The following INPP5F variants were observed in gnomAD, a reference collection of about 807,000 sequenced individuals.
INPP5F encodes the protein phosphatidylinositide 4-phosphatase SAC2.
INPP5F carries 97 observed loss-of-function variants against 137.2 expected under a neutral mutation model. The ratio of observed to expected loss-of-function variants is 0.71; its 90% confidence interval spans 0.60 to 0.84. The LOEUF (loss-of-function observed/expected upper bound fraction) is 0.84, where lower values mean the gene tolerates loss of function less well. Among genes scored for constraint, INPP5F ranks in the 40% least tolerant of loss-of-function variants. The pLI is 0.00. For missense variants in INPP5F, 1,271 were observed against 1,371.9 expected (o/e 0.93, Z 1.16); for synonymous variants, 504 against 476.9 (o/e 1.06, Z -0.74).
intron 16 of INPP5F, 73 bp downstream of exon 16, chr10:119,820,990 TA>T: frequency 1.0e-6 from 1 of 961,784 alleles, no homozygotes; most frequent in Non-Finnish European, 1.7e-6. Context: ...TTAGAATTCG[TA>T]ACAAAAAAAT....
chr10:119,827,031 C>G lies in INPP5F; in HGVS notation c.2650C>G (p.Pro884Ala). 2 of 1,613,968 alleles carry G rather than the reference C, an allele frequency of 1.2e-6. No homozygotes were observed. Among genetic ancestry groups the G allele is most frequent in the Admixed American group, 1.7e-5 (1 of 60,006 alleles). Residue 884 changes from proline (P) to alanine (A), a missense_variant, in exon 20 of 20, where the codon CCA becomes GCA. Around this residue, in one of 6 missense-constraint regions of INPP5F, gnomAD observed 490 missense variants for 443.7 expected, o/e 1.10. Coordinates refer to ENST00000650623, the MANE Select transcript of INPP5F (RefSeq NM_014937.4). ...QLANSLESVG[P>A]IDYVLPSCGI... The stretch of plus-strand genomic sequence containing the variant: ...AGCTAACTCATTAGAGAGTGTAGGG[C>G]CAATAGATTACGTTCTTCCTAGTTG...
At position 119,775,843 on chromosome 10, in the gene INPP5F, A is replaced by G. The variant is rs533333322; in HGVS notation, c.179-5792A>G. 5.9e-5 allele frequency among the ~76,000 whole-genome samples: 9 copies of G among 152,290 alleles called. No homozygotes were observed. The South Asian group carries it at 1.9e-3, about 32-fold the overall frequency. ...TCGGCCAGTTGCAAGCCTGGGGCAC[A>G]TTATTTGAATGTTTCTTAGTTTTTC... On this transcript the variant is annotated intron_variant, in intron 2 of 19. Transcript: ENST00000650623.
At chr10:119,809,492 C>A (rs1033471848) in intron 13 of INPP5F, among the ~76,000 whole-genome samples, 1 of 152,158 alleles carries the variant, frequency 6.6e-6, no homozygotes, top group Non-Finnish European at 1.5e-5. Flanking sequence ...ACTACACCTT[C>A]CTTGCCTTAA....
At chr10:119,747,532 AAATTTTTTTT>A (rs1374590886) in intron 1 of INPP5F, among the ~76,000 whole-genome samples, 1 of 152,244 alleles carries the variant, frequency 6.6e-6, no homozygotes, top group Non-Finnish European at 1.5e-5. Flanking sequence ...CTTTAAAAAA[AAATTTTTTTT>A]AATTCAAAAA....
intron 15 of INPP5F, chr10:119,819,540 GT>G: frequency 2.5e-6 from 4 of 1,599,598 alleles, no homozygotes; most frequent in Non-Finnish European, 3.4e-6. Context: ...CAGAGTGCAC[GT>G]AAGTATCAAC....
chr10:119,823,817 A>G lies in INPP5F; in HGVS notation c.2164A>G (p.Thr722Ala). 1 of 1,612,314 alleles carries G rather than the reference A, an allele frequency of 6.2e-7. No individual in the cohort carries two copies. Among genetic ancestry groups the G allele is most frequent in the Non-Finnish European group, 8.5e-7 (1 of 1,179,052 alleles). The change falls in exon 19 of 20, where the codon ACC becomes GCC. Residue 722 changes from threonine (T) to alanine (A), a missense_variant and splice_region_variant. Thr to Ala is a moderately conservative substitution (Grantham distance 58). Around this residue, in one of 6 missense-constraint regions of INPP5F, gnomAD observed 593 missense variants for 712.4 expected, o/e 0.83. Coordinates refer to ENST00000650623, the MANE Select transcript of INPP5F (RefSeq NM_014937.4). ...MRNPEEDGKD[T>A]LQCIAEMLQI... Reference sequence around the variant, plus strand: ...AGGCAGTTATATTTGGGTTGCAGATACCCTTCAGTGCATTGCAGAGATGCT... The same window carrying G: ...AGGCAGTTATATTTGGGTTGCAGATGCCCTTCAGTGCATTGCAGAGATGCT...
chr10:119,803,969 TAAA>T (rs766089106), intron 9 of INPP5F, among the ~76,000 whole-genome samples: 2 of 152,334 alleles, frequency 1.3e-5, no homozygotes, highest in East Asian at 3.9e-4. Context: ...CTCACAAACT[TAAA>T]TGTATGTAAC....
chr10:119,808,052 G>C lies in INPP5F; in HGVS notation c.1561G>C (p.Ala521Pro). 1 of 1,612,168 alleles carries C rather than the reference G, an allele frequency of 6.2e-7. No individual in the cohort carries two copies. Among genetic ancestry groups the C allele is most frequent in the Non-Finnish European group, 8.5e-7 (1 of 1,179,388 alleles). ...SISRQYAGTAALKGDFTRTGE... is the reference protein window; with the variant it reads ...SISRQYAGTAPLKGDFTRTGE... ...TAGCAGACAGTATGCTGGGACAGCT[G>C]CTCTGAAGGTAAATACTTGCAGGAA... The change falls in exon 13 of 20, where the codon GCT (alanine) becomes CCT (proline). Residue 521 changes from alanine to proline, a missense_variant. Physicochemically the swap from Ala to Pro is conservative, Grantham distance 27. This residue lies in a region of INPP5F where 593 missense variants were observed against 712.4 expected (regional missense o/e 0.83). Coordinates refer to ENST00000650623, the MANE Select transcript of INPP5F (RefSeq NM_014937.4).
intron 1 of INPP5F, among the ~76,000 whole-genome samples, chr10:119,737,077 T>C (rs763470941): frequency 1.3e-5 from 2 of 152,080 alleles, no homozygotes; most frequent in Non-Finnish European, 2.9e-5. Context: ...GATCCTCCTC[T>C]CTGGGCCCCC....
chr10:119,726,652 G>A (rs1847902207), intron 1 of INPP5F, among the ~76,000 whole-genome samples: 1 of 152,240 alleles, frequency 6.6e-6, no homozygotes, highest in Non-Finnish European at 1.5e-5. Context: ...CCGAGGGGAG[G>A]GGGTCCCCTC....
At chr10:119,824,203 A>G (rs1374766009) in intron 19 of INPP5F, among the ~76,000 whole-genome samples, 2 of 152,166 alleles carry the variant, frequency 1.3e-5, no homozygotes, top group Non-Finnish European at 2.9e-5. Flanking sequence ...ATCAAAACTT[A>G]AGAAAGTAAC....
At chr10:119,744,606 C>T (rs895623368) in intron 1 of INPP5F, among the ~76,000 whole-genome samples, 1 of 152,080 alleles carries the variant, frequency 6.6e-6, no homozygotes, top group Non-Finnish European at 1.5e-5. Context: ...GGCTGGAGTG[C>T]AGTGGCACCA....
chr10:119,765,741 CTGTGTGTGTGTGTGTGTGTGTG>C (rs34906556), intron 2 of INPP5F, among the ~76,000 whole-genome samples: 3 of 127,714 alleles, frequency 2.3e-5, no homozygotes, highest in African/African-American at 9.0e-5. Context: ...CAAGGGTAAA[CTGTGTGTGTGTGTGTGTGTGTG>C]TGTGTGTGTG....
intron 9 of INPP5F, among the ~76,000 whole-genome samples, chr10:119,799,571 TTGA>T (rs1377827666): frequency 6.6e-6 from 1 of 152,102 alleles, no homozygotes; most frequent in Non-Finnish European, 1.5e-5. Context: ...AATATGAGGT[TTGA>T]TGATAAGAAT....
In INPP5F at chr10:119,823,841, C is replaced by G. The variant is rs548612307; in HGVS notation, c.2188C>G (p.Leu730Val). Residue 730 changes from leucine to valine, a missense_variant, in exon 19 of 20, where the codon CTG (leucine) becomes GTG (valine). Coordinates refer to ENST00000650623, the MANE Select transcript of INPP5F (RefSeq NM_014937.4). ...KDTLQCIAEM[L>V]QITKQAMGSD... The stretch of plus-strand genomic sequence containing the variant: ...TACCCTTCAGTGCATTGCAGAGATG[C>G]TGCAGATCACCAAGCAAGCCATGGG... 6.2e-7 allele frequency: 1 copy of G among 1,613,980 alleles called. No homozygotes were observed. The highest frequency in any genetic ancestry group is 1.3e-5 in the African/African-American group (1 of 74,998).
At chr10:119,727,890 C>T (rs1847938149) in intron 1 of INPP5F, among the ~76,000 whole-genome samples, 1 of 152,144 alleles carries the variant, frequency 6.6e-6, no homozygotes. Context: ...TGAAGTAAAG[C>T]AGATTTCAAA....
At chr10:119,752,039 G>T (rs144919296) in intron 2 of INPP5F, among the ~76,000 whole-genome samples, 260 of 152,320 alleles carry the variant, frequency 1.7e-3, no homozygotes, top group African/African-American at 6.1e-3. Context: ...GTATAATTGT[G>T]AGTATATATC....
chr10:119,825,473 G>T (rs1193638943), intron 19 of INPP5F, among the ~76,000 whole-genome samples: 3 of 152,142 alleles, frequency 2.0e-5, no homozygotes, highest in Non-Finnish European at 4.4e-5. Context: ...GTCTCCACAA[G>T]TATTTACGTA....
intron 14 of INPP5F, among the ~76,000 whole-genome samples, chr10:119,811,368 C>A (rs766709962): frequency 6.6e-6 from 1 of 152,272 alleles, no homozygotes; most frequent in South Asian, 2.1e-4. Flanking sequence ...AAGGCTGCGC[C>A]GCATGCCCCA....
Sources: allele counts gnomAD v4.1 joint callset (sites outside exome capture counted in the v4.1 genomes callset), GRCh38; gene constraint gnomAD v4.1.1; regional missense constraint gnomAD v4.1.1; transcripts MANE v1.5; gene names NCBI Gene and HGNC (gene_info 2026-07-23, HGNC 2026-07-21).